Variants in NCBP1 observed in about 807,000 individuals in gnomAD.
NCBP1 encodes the protein nuclear cap-binding protein subunit 1.
NCBP1 carries 16 observed loss-of-function variants against 111.7 expected under a neutral mutation model. The ratio of observed to expected loss-of-function variants is 0.14; its 90% CI spans 0.10 to 0.22. NCBP1 has a LOEUF of 0.22. Among genes scored for constraint, NCBP1 ranks in the 10% least tolerant of loss-of-function variants. The probability of loss-of-function intolerance (pLI) is 1.00; values close to 1 mark genes in which losing one functional copy is unlikely to be tolerated. For missense variants in NCBP1, 607 were observed against 957.5 expected, an observed-to-expected ratio of 0.63 and a Z score of 4.83; for synonymous variants, 304 against 314.3, an observed-to-expected ratio of 0.97 and a Z score of 0.35.
chr9:97,652,597 G>A (rs1231747385), intron 10 of NCBP1, among the ~76,000 whole-genome samples: 1 of 152,230 alleles, frequency 6.6e-6, no homozygotes, highest in Non-Finnish European at 1.5e-5. Context: ...TCCAGCCTGG[G>A]TGACAGAGTG....
At chr9:97,637,437 C>T (rs552058264) in intron 1 of NCBP1, among the ~76,000 whole-genome samples, 256 of 152,204 alleles carry the variant, frequency 1.7e-3, no homozygotes, top group Non-Finnish European at 2.7e-3. Flanking sequence ...AGAAACAATA[C>T]GAATACAATT....
At chr9:97,634,385 C>G (rs545385632) in intron 1 of NCBP1, 1 of 158,876 alleles carries the variant, frequency 6.3e-6, no homozygotes, top group South Asian at 1.9e-4. Context: ...AGTGGTTATC[C>G]GTTGATTTCA....
At chr9:97,668,438 A>G (rs968465285) in intron 20 of NCBP1, among the ~76,000 whole-genome samples, 2 of 152,204 alleles carry the variant, frequency 1.3e-5, no homozygotes, top group African/African-American at 2.4e-5. Flanking sequence ...AGCCATTTCT[A>G]AATTATAACA....
Position 97,657,885 on chromosome 9 carries a change from G to GCTCTCTCTCTCTCTCTCT in NCBP1, c.1374-750_1374-733dup, listed in dbSNP as rs3052096. On this transcript the variant is annotated intron_variant, in intron 14 of 22. Transcript: ENST00000375147. ...GTATGTACATGAGGAGCCCCGGTAA[G>GCTCTCTCTCTCTCTCTCT]CTCTCTCTCTCTCTCTCTCTCTATA... 3.1e-4 allele frequency among the ~76,000 whole-genome samples: 35 copies of GCTCTCTCTCTCTCTCTCT among 114,002 alleles called. 1 individual carries two copies. The highest frequency in any genetic ancestry group is 1.2e-3 in the African/African-American group (33 of 27,454). 74.8% of individuals were successfully genotyped at this position (114,002 alleles called of 152,430 possible).
chr9:97,658,015 C>T (rs1352753567), intron 14 of NCBP1, among the ~76,000 whole-genome samples: 1 of 146,614 alleles, frequency 6.8e-6, no homozygotes, highest in Non-Finnish European at 1.5e-5. Flanking sequence ...CTTGCGTTTT[C>T]TTGCCCTATC....
In NCBP1 at chr9:97,645,492, C is replaced by A. The variant is rs1587999584; in HGVS notation, c.490-119C>A. The stretch of plus-strand genomic sequence containing the variant: ...ATATCTAGAAATGCTCTGTATAAAC[C>A]AGATGTCTTATTTAAGTCCTATTAA... On this transcript the variant is annotated intron_variant, in intron 5 of 22. Transcript: ENST00000375147. The A allele has an allele frequency of 2.2e-5, 24 of 1,073,512 alleles. No homozygotes were observed. The East Asian group carries it at 6.2e-4, about 28-fold the overall frequency. The allele number at this position is 1,073,512 out of a possible 1,614,324, so 66.5% of individuals were successfully genotyped here.
Position 97,669,533 on chromosome 9 carries a change from T to G in NCBP1, c.2146-60T>G. The G allele has an allele frequency of 2.5e-6, 3 of 1,218,186 alleles. No individual in the cohort carries two copies. In the South Asian group the frequency reaches 3.7e-5, roughly 15 times the overall value. 75.5% of individuals were successfully genotyped at this position (1,218,186 alleles called of 1,614,324 possible). A position where few individuals can be genotyped will look rare whatever the true frequency, so the allele number is the denominator to read the frequency against. On this transcript the variant is annotated intron_variant, in intron 21 of 22. Transcript: ENST00000375147. ...ACTTTGGGGTTTCTTTGTCATGAAT[T>G]TTTTTCCAAAGTATAAGATTCTGTC...
At chr9:97,634,013 C>T (rs906438486) in intron 1 of NCBP1, 98 bp downstream of exon 1, 9 of 1,356,916 alleles carry the variant, frequency 6.6e-6, no homozygotes, top group Non-Finnish European at 8.8e-6. Context: ...GCTCTTCTCC[C>T]CGGGAACGTG....
chr9:97,638,055 C>T (rs990062454), intron 1 of NCBP1, among the ~76,000 whole-genome samples: 2 of 152,100 alleles, frequency 1.3e-5, no homozygotes, highest in Non-Finnish European at 2.9e-5. Flanking sequence ...ACCATAGATA[C>T]GTTTTCTTCA....
chr9:97,655,952 C>A, intron 13 of NCBP1, 59 bp from the exon 14 acceptor site: 1 of 1,490,216 alleles, frequency 6.7e-7, no homozygotes. Flanking sequence ...AATTATAGTA[C>A]AAATGGGTGT....
At chr9:97,662,837 GTTA>G in intron 17 of NCBP1, 114 bp from the exon 18 acceptor site, 4 of 727,858 alleles carry the variant, frequency 5.5e-6, no homozygotes, top group Non-Finnish European at 6.7e-6. Flanking sequence ...TTAATACTTA[GTTA>G]TTTTGCATTT....
At chr9:97,655,865 A>G in intron 13 of NCBP1, 101 bp downstream of exon 13, 1 of 1,367,670 alleles carries the variant, frequency 7.3e-7, no homozygotes, top group East Asian at 2.3e-5. Context: ...CTTGGAAACT[A>G]TTTGTAGTTA....
At chr9:97,667,910 T>C (rs1297183391) in intron 20 of NCBP1, among the ~76,000 whole-genome samples, 1 of 152,136 alleles carries the variant, frequency 6.6e-6, no homozygotes, top group East Asian at 1.9e-4. Flanking sequence ...AACCTTACCT[T>C]TGAGTGGTGT....
At chr9:97,634,006 C>G (rs999326866) in intron 1 of NCBP1, 91 bp downstream of exon 1, 1 of 1,392,584 alleles carries the variant, frequency 7.2e-7, no homozygotes, top group Non-Finnish European at 9.5e-7. Flanking sequence ...ACTGGAAGCT[C>G]TTCTCCCCGG....
intron 1 of NCBP1, among the ~76,000 whole-genome samples, chr9:97,635,506 G>A (rs1430404132): frequency 1.3e-5 from 2 of 150,702 alleles, no homozygotes; most frequent in Non-Finnish European, 2.9e-5. Context: ...CGCCTCTCAG[G>A]CTCAAGTGAT....
At chr9:97,637,322 T>C (rs1351485996) in intron 1 of NCBP1, among the ~76,000 whole-genome samples, 2 of 152,230 alleles carry the variant, frequency 1.3e-5, no homozygotes, top group East Asian at 1.9e-4. Context: ...ACTAATTGCT[T>C]AGACTTGCTT....
At chr9:97,639,247 AG>A (rs1827135187) in intron 1 of NCBP1, among the ~76,000 whole-genome samples, 1 of 152,188 alleles carries the variant, frequency 6.6e-6, no homozygotes, top group African/African-American at 2.4e-5. Flanking sequence ...TGGGTTGGGA[AG>A]TTGACGTACA....
intron 10 of NCBP1, among the ~76,000 whole-genome samples, chr9:97,653,198 G>T (rs1001311361): frequency 1.4e-5 from 2 of 147,366 alleles, no homozygotes; most frequent in South Asian, 4.2e-4. Context: ...TCAACTCAGT[G>T]CAACCTCCGC....
chr9:97,668,193 T>C (rs1828066396), intron 20 of NCBP1, among the ~76,000 whole-genome samples: 1 of 152,254 alleles, frequency 6.6e-6, no homozygotes, highest in Admixed American at 6.5e-5. Flanking sequence ...TCTGCCACTT[T>C]CTGACTGGGT....
Sources: allele counts gnomAD v4.1 joint callset (sites outside exome capture counted in the v4.1 genomes callset), GRCh38; gene constraint gnomAD v4.1.1; transcripts MANE v1.5; gene names NCBI Gene and HGNC (gene_info 2026-07-23, HGNC 2026-07-21).